The following THSD7B variants were observed in gnomAD, a reference collection of about 807,000 sequenced individuals.
THSD7B encodes the protein thrombospondin type-1 domain-containing protein 7B.
THSD7B carries 138 observed loss-of-function variants against 213.6 expected under a neutral mutation model. The observed-to-expected ratio is 0.65, with a 90% CI of 0.56 to 0.74. The LOEUF is 0.74. Ranked by LOEUF, THSD7B falls within the 30% of genes least tolerant of loss-of-function variation. THSD7B has a pLI of 0.00. For missense variants in THSD7B, 1,931 were observed against 1,991.5 expected, an observed-to-expected ratio of 0.97 and a Z score of 0.58; for synonymous variants, 742 against 687.0, an observed-to-expected ratio of 1.08 and a Z score of -1.25.
chr2:137,047,434 TGAG>T (rs1344249157), intron 2 of THSD7B, among the ~76,000 whole-genome samples: 6 of 152,122 alleles, frequency 3.9e-5, no homozygotes, highest in Admixed American at 1.3e-4. Context: ...AAGCCAATAA[TGAG>T]GAGAAAGCGC....
intron 12 of THSD7B, among the ~76,000 whole-genome samples, chr2:137,320,762 C>T (rs1423230064): frequency 2.0e-5 from 3 of 152,186 alleles, no homozygotes; most frequent in Non-Finnish European, 2.9e-5. Flanking sequence ...TTCTTTCATA[C>T]CCCTGGCTTT....
At position 137,035,011 on chromosome 2, in the gene THSD7B, C is replaced by T. The variant is rs58104896; in HGVS notation, c.140-21409C>T. ...GTGGTTCTAGATCCCTGAGGAACCG[C>T]CACACTGTCTTCCACAATGGTTCTT... On this transcript the variant is annotated intron_variant, in intron 2 of 27. Transcript: ENST00000409968. Among the ~76,000 whole-genome samples the T allele has an allele frequency of 2.0e-5, 3 of 152,302 alleles. No homozygotes were observed. In the East Asian group the frequency reaches 5.8e-4, roughly 29 times the overall value.
chr2:137,542,618 C>T (rs1338101108), intron 15 of THSD7B, among the ~76,000 whole-genome samples: 9 of 151,704 alleles, frequency 5.9e-5, no homozygotes, highest in Non-Finnish European at 1.2e-4. Context: ...ATGGAGCATT[C>T]TCCAGGGTAT....
Position 137,638,753 on chromosome 2 carries a change from G to C in THSD7B, c.3800-3735G>C, listed in dbSNP as rs576851330. ...GGTCTCAGATGGAGATGAGGAACTT[G>C]TTGGGAACTGGAGGAAAGGTGACTC... On this transcript the variant is annotated intron_variant, in intron 20 of 27. Coordinates refer to ENST00000409968, the MANE Select transcript of THSD7B (RefSeq NM_001316349.2). 3.3e-5 allele frequency among the ~76,000 whole-genome samples: 5 copies of C among 152,334 alleles called. No individual in the cohort carries two copies. The South Asian group carries it at 6.2e-4, about 19-fold the overall frequency.
At chr2:137,214,156 T>C (rs926414981) in intron 7 of THSD7B, among the ~76,000 whole-genome samples, 4 of 152,134 alleles carry the variant, frequency 2.6e-5, no homozygotes, top group Non-Finnish European at 5.9e-5. Flanking sequence ...AATGGCAGTG[T>C]ATATGTTTTT....
At chr2:137,418,577 G>T (rs1227645736) in intron 14 of THSD7B, among the ~76,000 whole-genome samples, 5 of 152,084 alleles carry the variant, frequency 3.3e-5, no homozygotes, top group Non-Finnish European at 7.4e-5. Context: ...TAGATATTTT[G>T]AAATGTACAA....
chr2:136,868,343 C>G (rs1478593864), intron 1 of THSD7B, among the ~76,000 whole-genome samples: 5 of 152,004 alleles, frequency 3.3e-5, no homozygotes, highest in East Asian at 1.9e-4. Flanking sequence ...TAAATTCTAT[C>G]AAATCTCCTG....
intron 12 of THSD7B, among the ~76,000 whole-genome samples, chr2:137,374,113 A>G (rs936318783): frequency 9.9e-5 from 15 of 152,166 alleles, no homozygotes; most frequent in Non-Finnish European, 2.1e-4. Context: ...GTCTTTTGCA[A>G]AGATAAAGGG....
At position 137,072,056 on chromosome 2, in the gene THSD7B, C is replaced by T. The variant is rs1440415443; in HGVS notation, c.950+14826C>T. Among the ~76,000 whole-genome samples the T allele has an allele frequency of 7.2e-5, 11 of 152,114 alleles. No homozygotes were observed. The East Asian group carries it at 7.7e-4, about 11-fold the overall frequency. Reference sequence around the variant, plus strand: ...TCAGGTAGCGTGATGCCTCCAGCTTCGTTCTTTGGCTTAGGATTGACTTGG... The same window carrying T: ...TCAGGTAGCGTGATGCCTCCAGCTTTGTTCTTTGGCTTAGGATTGACTTGG... On this transcript the variant is annotated intron_variant, in intron 3 of 27. Coordinates refer to ENST00000409968, the MANE Select transcript of THSD7B (RefSeq NM_001316349.2).
At chr2:137,290,829 G>A (rs74502309) in intron 12 of THSD7B, among the ~76,000 whole-genome samples, 113 of 152,156 alleles carry the variant, frequency 7.4e-4, no homozygotes, top group African/African-American at 2.2e-3. Flanking sequence ...TTGGAATCCC[G>A]TCTGTTCCAT....
intron 8 of THSD7B, among the ~76,000 whole-genome samples, chr2:137,232,501 T>C (rs1422526620): frequency 2.6e-5 from 4 of 152,174 alleles, no homozygotes; most frequent in African/African-American, 9.7e-5. Context: ...TGTGTGTGTG[T>C]GCTCATTCAA....
intron 12 of THSD7B, among the ~76,000 whole-genome samples, chr2:137,292,401 A>G (rs1463566877): frequency 6.6e-6 from 1 of 152,180 alleles, no homozygotes; most frequent in Non-Finnish European, 1.5e-5. Context: ...GCAAACTCAC[A>G]GTTCAATTCT....
At chr2:137,022,640 T>A (rs1268278417) in intron 2 of THSD7B, among the ~76,000 whole-genome samples, 1 of 125,896 alleles carries the variant, frequency 7.9e-6, no homozygotes, top group African/African-American at 2.8e-5. Flanking sequence ...CCTTTTAACT[T>A]TTTTTTTTGA....
chr2:137,143,925 G>T (rs1573850540), intron 5 of THSD7B, among the ~76,000 whole-genome samples: 1 of 151,572 alleles, frequency 6.6e-6, no homozygotes, highest in East Asian at 1.9e-4. Context: ...CTGCCTGGTG[G>T]TTTTTTTTCC....
chr2:137,602,676 G>C (rs150494937), intron 17 of THSD7B, among the ~76,000 whole-genome samples: 120 of 152,300 alleles, frequency 7.9e-4, no homozygotes, highest in Non-Finnish European at 1.5e-4. Flanking sequence ...AAAAGCATCA[G>C]TGGTGGGGGA....
intron 15 of THSD7B, among the ~76,000 whole-genome samples, chr2:137,478,001 CT>C (rs1365304850): frequency 6.6e-6 from 1 of 151,982 alleles, no homozygotes; most frequent in Non-Finnish European, 1.5e-5. Context: ...TGTTCTCTTG[CT>C]TTTTGTAGAA....
At chr2:137,450,245 C>T (rs1687621136) in intron 14 of THSD7B, among the ~76,000 whole-genome samples, 1 of 152,120 alleles carries the variant, frequency 6.6e-6, no homozygotes, top group South Asian at 2.1e-4. Flanking sequence ...CAAGCAAGGC[C>T]AGGTAGAGCT....
intron 12 of THSD7B, among the ~76,000 whole-genome samples, chr2:137,321,567 A>G (rs574540603): frequency 6.6e-6 from 1 of 152,332 alleles, no homozygotes; most frequent in Non-Finnish European, 1.5e-5. Context: ...TCCTGGCTTC[A>G]TTAGTCTGGC....
intron 1 of THSD7B, among the ~76,000 whole-genome samples, chr2:136,846,776 C>T (rs566844856): frequency 6.6e-5 from 10 of 152,178 alleles, no homozygotes; most frequent in East Asian, 5.8e-4. Flanking sequence ...ATGGGTTTTA[C>T]GATACACAGA....
Sources: allele counts gnomAD v4.1 joint callset (sites outside exome capture counted in the v4.1 genomes callset), GRCh38; gene constraint gnomAD v4.1.1; transcripts MANE v1.5; gene names NCBI Gene and HGNC (gene_info 2026-07-23, HGNC 2026-07-21).